ASCC1: variants seen among roughly 807,000 people sequenced by gnomAD.
The protein encoded by ASCC1 is activating signal cointegrator 1 complex subunit 1.
A neutral mutation model predicts 46.6 loss-of-function variants in ASCC1; 35 were observed. The ratio of observed to expected loss-of-function variants is 0.75; its 90% CI spans 0.57 to 0.99. The LOEUF (loss-of-function observed/expected upper bound fraction) is 0.99, where lower values mean the gene tolerates loss of function less well. Ranked by LOEUF, ASCC1 falls within the 50% of genes least tolerant of loss-of-function variation. The pLI is 0.00. For missense variants in ASCC1, 376 were observed against 428.7 expected, an observed-to-expected ratio of 0.88 and a Z score of 1.09; for synonymous variants, 143 against 146.6, an observed-to-expected ratio of 0.98 and a Z score of 0.18.
At position 72,213,960 on chromosome 10, in the gene ASCC1, C is replaced by T. The variant is rs564289690; in HGVS notation, c.-33-629G>A. 5.9e-5 allele frequency among the ~76,000 whole-genome samples: 9 copies of T among 152,138 alleles called. No individual in the cohort carries two copies. The South Asian group carries it at 1.9e-3, about 32-fold the overall frequency. ...GGCTGAGGCAGGAGAATCTCTTGAACCCAGGAGGCGGAAGTTGCAGTGAGC... is the reference window on the plus strand; with the variant it reads ...GGCTGAGGCAGGAGAATCTCTTGAATCCAGGAGGCGGAAGTTGCAGTGAGC... On this transcript the variant is annotated intron_variant, in intron 1 of 9. Coordinates refer to ENST00000672957, the MANE Select transcript of ASCC1 (RefSeq NM_001198800.3).
intron 5 of ASCC1, among the ~76,000 whole-genome samples, chr10:72,195,535 A>T (rs752937901): frequency 9.9e-5 from 15 of 151,922 alleles, no homozygotes; most frequent in Non-Finnish European, 2.2e-4. Flanking sequence ...AAGATTATAT[A>T]CAAGCTAAAT....
intron 3 of ASCC1, among the ~76,000 whole-genome samples, chr10:72,210,415 C>T (rs1422282630): frequency 6.6e-6 from 1 of 152,116 alleles, no homozygotes; most frequent in Non-Finnish European, 1.5e-5. Context: ...CCGCCTCAGC[C>T]TCCCGAAGTG....
At chr10:72,197,127 A>G (rs1855554719) in intron 4 of ASCC1, 138 bp from the exon 5 acceptor site, 4 of 781,454 alleles carry the variant, frequency 5.1e-6, no homozygotes, top group Admixed American at 2.1e-5. Flanking sequence ...ACAATAACAA[A>G]TATAAGAAAA....
intron 5 of ASCC1, among the ~76,000 whole-genome samples, chr10:72,187,819 G>T (rs1437603804): frequency 6.6e-6 from 1 of 150,926 alleles, no homozygotes; most frequent in Non-Finnish European, 1.5e-5. Flanking sequence ...AGTTAGAGGT[G>T]GTGGGCATCT....
intron 9 of ASCC1, among the ~76,000 whole-genome samples, chr10:72,126,817 G>A (rs1021813380): frequency 7.9e-5 from 12 of 152,182 alleles, no homozygotes; most frequent in African/African-American, 2.9e-4. Flanking sequence ...AACTACAACT[G>A]AATTCATTAG....
chr10:72,144,227 G>A (rs939067548), intron 7 of ASCC1, among the ~76,000 whole-genome samples: 6 of 151,822 alleles, frequency 4.0e-5, no homozygotes, highest in Non-Finnish European at 8.8e-5. Context: ...CACCCGCCTC[G>A]GCCTCCCAAA....
intron 6 of ASCC1, among the ~76,000 whole-genome samples, chr10:72,153,238 C>T (rs566704774): frequency 4.0e-4 from 61 of 152,234 alleles, no homozygotes; most frequent in African/African-American, 1.4e-3. Flanking sequence ...ATCCCAATAC[C>T]AGTTTATTAG....
chr10:72,174,712 G>A (rs1013793170), intron 5 of ASCC1, among the ~76,000 whole-genome samples: 3 of 152,128 alleles, frequency 2.0e-5, no homozygotes, highest in Non-Finnish European at 2.9e-5. Flanking sequence ...TATAACAAAC[G>A]TTTGTGCCTT....
chr10:72,133,623 G>C (rs1379211016), intron 7 of ASCC1: 1 of 245,802 alleles, frequency 4.1e-6, no homozygotes, highest in Non-Finnish European at 8.0e-6. Flanking sequence ...ATACAGTTAT[G>C]ACAGAGAGTG....
intron 3 of ASCC1, 99 bp downstream of exon 3, chr10:72,210,633 T>G: frequency 2.3e-6 from 2 of 866,888 alleles, no homozygotes; most frequent in South Asian, 2.8e-5. Context: ...TTATCATTAG[T>G]AATCAAGCAC....
intron 3 of ASCC1, among the ~76,000 whole-genome samples, chr10:72,209,310 C>T (rs1031094407): frequency 6.6e-6 from 1 of 151,996 alleles, no homozygotes; most frequent in Non-Finnish European, 1.5e-5. Context: ...ATAGTAAAAC[C>T]CCATCTCTAC....
chr10:72,216,362 T>G (rs940996871), upstream of ASCC1: 1 of 171,242 alleles, frequency 5.8e-6, no homozygotes, highest in African/African-American at 2.4e-5. Context: ...ATGGCGTAGT[T>G]TCCTGGGGAC....
intron 9 of ASCC1, among the ~76,000 whole-genome samples, chr10:72,108,081 T>C (rs892027718): frequency 2.0e-5 from 3 of 150,126 alleles, no homozygotes; most frequent in African/African-American, 7.3e-5. Context: ...TTTTTCTTTT[T>C]TTTTTTTTTT....
chr10:72,205,931 C>A (rs1448041006), intron 3 of ASCC1, among the ~76,000 whole-genome samples: 1 of 151,674 alleles, frequency 6.6e-6, no homozygotes, highest in Non-Finnish European at 1.5e-5. Flanking sequence ...TGGTGAAACA[C>A]CATCTCTACT....
chr10:72,100,041 C>T (rs943685318), intron 9 of ASCC1, among the ~76,000 whole-genome samples: 15 of 152,018 alleles, frequency 9.9e-5, no homozygotes, highest in Admixed American at 8.5e-4. Context: ...CTTTGTAAGT[C>T]GCCATGTTCT....
chr10:72,200,600 A>C (rs1376455003), intron 4 of ASCC1, among the ~76,000 whole-genome samples: 4 of 151,482 alleles, frequency 2.6e-5, no homozygotes, highest in Non-Finnish European at 5.9e-5. Flanking sequence ...TTGAGCCAAG[A>C]TTACACTAAG....
rs577975315 is a variant in ASCC1 at position 72,203,365 on chromosome 10, T to C, written c.310+62A>G. The C allele has an allele frequency of 3.3e-6, 4 of 1,194,428 alleles. No individual in the cohort carries two copies. The African/African-American group carries it at 6.0e-5, about 18-fold the overall frequency. 74.0% of individuals were successfully genotyped at this position (1,194,428 alleles called of 1,614,324 possible). A position where few individuals can be genotyped will look rare whatever the true frequency, so the allele number is the denominator to read the frequency against. ...ATAGTTACTAAACACTGCAGTTGGT[T>C]ACATTATTCCATAAACATGCAAAAG... On this transcript the variant is annotated intron_variant, in intron 4 of 9. Coordinates refer to ENST00000672957, the MANE Select transcript of ASCC1 (RefSeq NM_001198800.3).
In ASCC1 at chr10:72,167,089, C is replaced by G. The variant is rs576321440; in HGVS notation, c.490-5415G>C. ...TTCATACAAAAAAAATACAATGCAG[C>G]CATTTCACTCCTAGGATTCTACCCA... On this transcript the variant is annotated intron_variant, in intron 5 of 9. Transcript: ENST00000672957. Among the ~76,000 whole-genome samples, 17 of 152,182 alleles carry G rather than the reference C, an allele frequency of 1.1e-4. No individual in the cohort carries two copies. In the South Asian group the frequency reaches 1.5e-3, roughly 13 times the overall value.
chr10:72,128,798 T>G (rs557537011), intron 8 of ASCC1, among the ~76,000 whole-genome samples: 3 of 152,072 alleles, frequency 2.0e-5, no homozygotes, highest in Admixed American at 6.5e-5. Flanking sequence ...TCCTTAAAGG[T>G]TGGCAAGGAA....
Sources: allele counts gnomAD v4.1 joint callset (sites outside exome capture counted in the v4.1 genomes callset), GRCh38; gene constraint gnomAD v4.1.1; transcripts MANE v1.5; gene names NCBI Gene and HGNC (gene_info 2026-07-23, HGNC 2026-07-21).